Variants in WWOX observed in about 807,000 individuals in gnomAD.
WWOX encodes the protein WW domain containing oxidoreductase.
Under a neutral mutation model 46.2 loss-of-function variants are expected in WWOX, and 69 were observed. The ratio of observed to expected loss-of-function variants is 1.49; its 90% CI spans 1.23 to 1.82. WWOX has a LOEUF of 1.82. WWOX is among the 40% of genes most tolerant of loss of function. The pLI is 0.00. For missense variants in WWOX, 919 were observed against 542.6 expected, an observed-to-expected ratio of 1.69 and a Z score of -6.89; for synonymous variants, 359 against 202.6, an observed-to-expected ratio of 1.77 and a Z score of -6.56.
At chr16:78,309,676 C>T (rs913367812) in intron 5 of WWOX, among the ~76,000 whole-genome samples, 1 of 152,158 alleles carries the variant, frequency 6.6e-6, no homozygotes, top group Non-Finnish European at 1.5e-5. Flanking sequence ...CGGGAATAAA[C>T]TTCTTTAAAT....
intron 1 of WWOX, among the ~76,000 whole-genome samples, chr16:78,101,752 ACAAC>A (rs939200015): frequency 4.6e-5 from 7 of 152,266 alleles, no homozygotes; most frequent in Admixed American, 4.6e-4. Context: ...TAGAGGAAAA[ACAAC>A]CAAGTTCTGA....
intron 8 of WWOX, among the ~76,000 whole-genome samples, chr16:78,995,978 G>C (rs1236515765): frequency 6.6e-6 from 1 of 152,118 alleles, no homozygotes; most frequent in African/African-American, 2.4e-5. Flanking sequence ...GGGAAGTAGA[G>C]GCCAGCTTGG....
intron 8 of WWOX, among the ~76,000 whole-genome samples, chr16:79,038,729 T>C (rs766611031): frequency 4.6e-5 from 7 of 152,072 alleles, no homozygotes; most frequent in Non-Finnish European, 8.8e-5. Context: ...TTTGTGTTTT[T>C]AGTAGAGACA....
chr16:78,122,329 C>G (rs540296818), intron 4 of WWOX, among the ~76,000 whole-genome samples: 2 of 152,160 alleles, frequency 1.3e-5, no homozygotes, highest in East Asian at 3.9e-4. Context: ...AATTTCATGC[C>G]TGCATGTAGG....
chr16:78,107,942 A>G (rs1413142612), intron 1 of WWOX, among the ~76,000 whole-genome samples: 3 of 152,002 alleles, frequency 2.0e-5, no homozygotes, highest in Admixed American at 6.6e-5. Context: ...TTATTTATTT[A>G]TTTTTGAGAC....
chr16:78,581,580 TG>T (rs774303454), intron 8 of WWOX, among the ~76,000 whole-genome samples: 18 of 152,318 alleles, frequency 1.2e-4, no homozygotes, highest in Admixed American at 3.3e-4. Flanking sequence ...CCTCTAGGAA[TG>T]TTTTTTTTAA....
chr16:78,296,618 G>A (rs966812024), intron 5 of WWOX, among the ~76,000 whole-genome samples: 2 of 151,594 alleles, frequency 1.3e-5, no homozygotes, highest in African/African-American at 4.8e-5. Context: ...TCTGTACACA[G>A]GGGAAATATG....
intron 8 of WWOX, among the ~76,000 whole-genome samples, chr16:79,175,786 C>T (rs1347884091): frequency 1.3e-5 from 2 of 152,172 alleles, no homozygotes; most frequent in African/African-American, 4.8e-5. Flanking sequence ...GGAGCTCCAA[C>T]TCTGTTTGGT....
At chr16:79,041,498 G>T (rs891393063) in intron 8 of WWOX, among the ~76,000 whole-genome samples, 2 of 152,158 alleles carry the variant, frequency 1.3e-5, no homozygotes, top group Non-Finnish European at 1.5e-5. Context: ...ATGGAGCAGG[G>T]ATCATGCTCA....
intron 8 of WWOX, among the ~76,000 whole-genome samples, chr16:78,587,743 T>A (rs1434709578): frequency 6.6e-6 from 1 of 152,140 alleles, no homozygotes; most frequent in African/African-American, 2.4e-5. Flanking sequence ...GAGCTGGATA[T>A]AGACATTTGT....
intron 8 of WWOX, among the ~76,000 whole-genome samples, chr16:78,490,220 G>A (rs552382988): frequency 6.9e-6 from 1 of 144,912 alleles, no homozygotes; most frequent in East Asian, 1.9e-4. Context: ...TGAATAGCTG[G>A]GTGATAATAT....
Position 78,432,542 on chromosome 16 carries a change from A to G in WWOX, c.846A>G (p.Pro282=). 6.2e-7 allele frequency: 1 copy of G among 1,614,136 alleles called. No homozygotes were observed. The highest frequency in any genetic ancestry group is 8.5e-7 in the Non-Finnish European group (1 of 1,180,004). ...LGKLDFSRLS[P]TKNDYWAMLA... ...AACTGGACTTCAGTCGCCTCTCTCCAACAAAAAACGACTATTGGGCGATGC... is the reference window on the plus strand; with the variant it reads ...AACTGGACTTCAGTCGCCTCTCTCCGACAAAAAACGACTATTGGGCGATGC... The change falls in exon 8 of 9, where the codon CCA becomes CCG. Residue 282 remains proline, a synonymous_variant. Coordinates refer to ENST00000566780, the MANE Select transcript of WWOX (RefSeq NM_016373.4).
chr16:78,114,950 G>A (rs1308908302), intron 3 of WWOX, 26 bp from the exon 4 acceptor site: 2 of 1,613,934 alleles, frequency 1.2e-6, no homozygotes, highest in South Asian at 1.1e-5. Context: ...CATTGCTGTG[G>A]GTTCACTGCT....
intron 8 of WWOX, among the ~76,000 whole-genome samples, chr16:78,502,936 C>T (rs754620223): frequency 1.3e-5 from 2 of 152,040 alleles, no homozygotes; most frequent in South Asian, 2.1e-4. Flanking sequence ...TAGCAAGGAG[C>T]GAAATGAGAT....
intron 8 of WWOX, among the ~76,000 whole-genome samples, chr16:78,549,033 C>T (rs542166527): frequency 2.0e-4 from 31 of 152,124 alleles, no homozygotes; most frequent in African/African-American, 7.2e-4. Flanking sequence ...TTATCGGTGC[C>T]TTGATAATAA....
At chr16:78,973,674 C>T (rs957303616) in intron 8 of WWOX, among the ~76,000 whole-genome samples, 2 of 152,152 alleles carry the variant, frequency 1.3e-5, no homozygotes, top group African/African-American at 4.8e-5. Flanking sequence ...TTTCAAAGTG[C>T]TCTTTTAACA....
At chr16:78,731,428 C>T (rs1467059661) in intron 8 of WWOX, among the ~76,000 whole-genome samples, 1 of 152,098 alleles carries the variant, frequency 6.6e-6, no homozygotes, top group Non-Finnish European at 1.5e-5. Context: ...CTGCACTGAT[C>T]CCTTTGAATC....
intron 8 of WWOX, among the ~76,000 whole-genome samples, chr16:79,129,307 G>C (rs188776564): frequency 6.7e-6 from 1 of 149,592 alleles, no homozygotes; most frequent in East Asian, 2.0e-4. Flanking sequence ...ATAAATGAGG[G>C]GGGCACACTT....
chr16:78,730,437 G>T (rs543998329), intron 8 of WWOX, among the ~76,000 whole-genome samples: 1 of 151,950 alleles, frequency 6.6e-6, no homozygotes, highest in East Asian at 2.0e-4. Flanking sequence ...ATTCACATGA[G>T]TCCAGGAGAA....
Sources: allele counts gnomAD v4.1 joint callset (sites outside exome capture counted in the v4.1 genomes callset), GRCh38; gene constraint gnomAD v4.1.1; transcripts MANE v1.5; gene names NCBI Gene and HGNC (gene_info 2026-07-23, HGNC 2026-07-21).